Variants in RGS6 observed in about 807,000 individuals in gnomAD.
The protein encoded by RGS6 is regulator of G-protein signaling 6.
In RGS6, 30 loss-of-function variants were observed where a neutral mutation model predicts 78.5. The ratio of observed to expected loss-of-function variants is 0.38; its 90% CI spans 0.29 to 0.52. The LOEUF (loss-of-function observed/expected upper bound fraction) is 0.52. Among genes scored for constraint, RGS6 ranks in the 20% least tolerant of loss-of-function variants. The pLI, the probability that RGS6 is intolerant of heterozygous loss-of-function variation, is 0.85. For synonymous variants in RGS6, 206 were observed against 206.0 expected, an observed-to-expected ratio of 1.00 and a Z score of 0.00; for missense variants, 495 against 609.7, an observed-to-expected ratio of 0.81 and a Z score of 1.98.
chr14:72,262,421 A>G (rs1374303364), intron 2 of RGS6, among the ~76,000 whole-genome samples: 1 of 152,276 alleles, frequency 6.6e-6, no homozygotes, highest in Non-Finnish European at 1.5e-5. Flanking sequence ...CACTTAAGGG[A>G]GGGAGAGAGA....
At chr14:72,268,523 A>G (rs2153905190) in intron 2 of RGS6, among the ~76,000 whole-genome samples, 1 of 152,306 alleles carries the variant, frequency 6.6e-6, no homozygotes, top group African/African-American at 2.4e-5. Flanking sequence ...TCTCTCCTTT[A>G]CAAATCAATG....
intron 16 of RGS6, chr14:72,537,526 A>T (rs1238784296): frequency 1.4e-6 from 1 of 702,264 alleles, no homozygotes; most frequent in Non-Finnish European, 2.6e-6. Context: ...AGGTGTGGCT[A>T]CTGTGATGGG....
intron 2 of RGS6, among the ~76,000 whole-genome samples, chr14:72,042,074 G>C (rs1470261671): frequency 6.6e-6 from 1 of 151,434 alleles, no homozygotes; most frequent in East Asian, 1.9e-4. Flanking sequence ...CCTACTTTCA[G>C]GGTATTAATA....
chr14:72,390,084 A>G (rs1261891233), intron 3 of RGS6, among the ~76,000 whole-genome samples: 2 of 142,404 alleles, frequency 1.4e-5, no homozygotes, highest in Non-Finnish European at 3.0e-5. Context: ...ATAAAGAGCT[A>G]TAGTTCTTTT....
intron 2 of RGS6, among the ~76,000 whole-genome samples, chr14:72,245,124 C>T (rs1175039151): frequency 1.3e-5 from 2 of 152,230 alleles, no homozygotes; most frequent in African/African-American, 4.8e-5. Context: ...TTCTACCTGT[C>T]TTAAGTTCAT....
chr14:72,149,290 G>A (rs1305238353), intron 2 of RGS6, among the ~76,000 whole-genome samples: 1 of 152,174 alleles, frequency 6.6e-6, no homozygotes, highest in African/African-American at 2.4e-5. Context: ...TCACTTCCAT[G>A]GCATTCTGTT....
intron 17 of RGS6, among the ~76,000 whole-genome samples, chr14:72,547,831 A>T (rs990527470): frequency 2.8e-4 from 42 of 152,148 alleles, no homozygotes; most frequent in African/African-American, 8.7e-4. Context: ...ACATACGGGA[A>T]TGGGCCTCAT....
intron 3 of RGS6, among the ~76,000 whole-genome samples, chr14:72,412,143 T>C (rs1411848464): frequency 6.6e-6 from 1 of 152,236 alleles, no homozygotes; most frequent in East Asian, 1.9e-4. Flanking sequence ...GAAGGAATGG[T>C]ACCAGCTCCT....
At chr14:72,376,722 T>C (rs2084826088) in intron 3 of RGS6, among the ~76,000 whole-genome samples, 1 of 152,160 alleles carries the variant, frequency 6.6e-6, no homozygotes, top group South Asian at 2.1e-4. Flanking sequence ...TTCAATATTA[T>C]GCCCAGCAAA....
intron 3 of RGS6, among the ~76,000 whole-genome samples, chr14:72,418,464 G>T (rs751377515): frequency 2.0e-5 from 3 of 152,132 alleles, no homozygotes; most frequent in Admixed American, 6.5e-5. Context: ...ACCGCGCCCG[G>T]CCCGCTTCAA....
At chr14:72,159,371 C>T (rs2096821539) in intron 2 of RGS6, among the ~76,000 whole-genome samples, 1 of 152,144 alleles carries the variant, frequency 6.6e-6, no homozygotes, top group African/African-American at 2.4e-5. Context: ...GTAGGCGCTC[C>T]AAAGAGTAAG....
intron 2 of RGS6, among the ~76,000 whole-genome samples, chr14:72,073,636 T>C (rs1323017109): frequency 1.3e-5 from 2 of 152,062 alleles, no homozygotes. Context: ...TGGGCACAGC[T>C]TTGGGAAGTG....
chr14:72,019,021 G>C (rs1483984130), intron 2 of RGS6, among the ~76,000 whole-genome samples: 1 of 152,076 alleles, frequency 6.6e-6, no homozygotes, highest in Non-Finnish European at 1.5e-5. Flanking sequence ...ATATTGAAAA[G>C]ATAAAACCCA....
the RGS6 span, among the ~76,000 whole-genome samples, chr14:71,902,869 C>G: frequency 6.6e-6 from 1 of 152,146 alleles, no homozygotes; most frequent in Middle Eastern, 3.4e-3. Context: ...CGTAGATGAA[C>G]AAATAATGGA....
At chr14:72,141,233 G>C (rs1293241792) in intron 2 of RGS6, among the ~76,000 whole-genome samples, 1 of 152,192 alleles carries the variant, frequency 6.6e-6, no homozygotes, top group African/African-American at 2.4e-5. Flanking sequence ...ATAACATCCA[G>C]CTACAGATGG....
rs1406661251 is a variant in RGS6, at chr14:72,441,784, C to A, written c.185-12744C>A. Among the ~76,000 whole-genome samples, 7 of 152,324 alleles carry A rather than the reference C, an allele frequency of 4.6e-5. No homozygotes were observed. In the East Asian group the frequency reaches 1.2e-3, roughly 25 times the overall value. ...CAGCTGGCTGTCCCCTGAAAGATGG[C>A]AAGTGGGGAATGATGATGGTGCACC... On this transcript the variant is annotated intron_variant, in intron 3 of 17. Transcript: ENST00000553525.
intron 3 of RGS6, among the ~76,000 whole-genome samples, chr14:72,440,473 G>T (rs1210312866): frequency 4.7e-5 from 7 of 149,386 alleles, no homozygotes; most frequent in Non-Finnish European, 1.0e-4. Context: ...GGAGTGCAGT[G>T]GCATGATCTC....
chr14:72,550,385 C>A, intron 17 of RGS6: 1 of 1,284,692 alleles, frequency 7.8e-7, no homozygotes, highest in Non-Finnish European at 1.1e-6. Context: ...GAGAACCATT[C>A]CACACCATGC....
chr14:72,624,672 C>T, the RGS6 span, among the ~76,000 whole-genome samples: 1 of 152,178 alleles, frequency 6.6e-6, no homozygotes, highest in African/African-American at 2.4e-5. Context: ...GGATCCAATC[C>T]AAGATCCCTC....
Sources: allele counts gnomAD v4.1 joint callset (sites outside exome capture counted in the v4.1 genomes callset), GRCh38; gene constraint gnomAD v4.1.1; transcripts MANE v1.5; gene names NCBI Gene and HGNC (gene_info 2026-07-23, HGNC 2026-07-21).